Variants in THOP1 observed in about 807,000 individuals in gnomAD.
THOP1 encodes the protein thimet oligopeptidase 1, also known as thimet oligopeptidase.
A neutral mutation model predicts 71.8 loss-of-function variants in THOP1; 49 were observed. That is an observed-to-expected ratio of 0.68 (90% CI 0.54 to 0.87). THOP1 has a LOEUF of 0.87. Among genes scored for constraint, THOP1 ranks in the 40% least tolerant of loss-of-function variants. THOP1 has a pLI of 0.00. For missense variants in THOP1, 843 were observed against 975.6 expected (o/e 0.86, Z 1.81); for synonymous variants, 426 against 421.5 (o/e 1.01, Z -0.13).
intron 9 of THOP1, chr19:2,809,489 C>T (rs760044791): frequency 1.3e-5 from 2 of 152,244 alleles, no homozygotes; most frequent in African/African-American, 2.4e-5. Context: ...CTTCTGAGGA[C>T]CGTCTGCTCA....
Position 2,807,681 on chromosome 19 carries a change from C to T in THOP1, c.1126C>T (p.Leu376Phe). 6.2e-7 allele frequency: 1 copy of T among 1,605,702 alleles called. No individual in the cohort carries two copies. Among genetic ancestry groups the T allele is most frequent in the South Asian group, 1.1e-5 (1 of 90,896 alleles). The change falls in exon 8 of 13, where the codon CTC (leucine) becomes TTC (phenylalanine). Residue 376 changes from leucine to phenylalanine, a missense_variant. Transcript: ENST00000307741. Reference protein sequence around the residue: ...THGLLGIYQELLGLAFHHEEG... With the variant: ...THGLLGIYQEFLGLAFHHEEG... The stretch of plus-strand genomic sequence containing the variant: ...CGGGCTGCTGGGCATCTACCAGGAG[C>T]TCCTGGGGCTGGCCTTCCACCACGA...
At chr19:2,803,751 G>A (rs1470854360) in intron 5 of THOP1, among the ~76,000 whole-genome samples, 5 of 152,290 alleles carry the variant, frequency 3.3e-5, no homozygotes, top group Middle Eastern at 3.4e-3. Flanking sequence ...GGGTACAAAC[G>A]GGAAGGCGGG....
chr19:2,802,957 G>T (rs1056813282), intron 5 of THOP1, among the ~76,000 whole-genome samples: 1 of 152,254 alleles, frequency 6.6e-6, no homozygotes, highest in African/African-American at 2.4e-5. Context: ...TAATGCACCT[G>T]CTGTCCTCTG....
At chr19:2,800,172 TATTTA>T (rs1342697730) in intron 5 of THOP1, among the ~76,000 whole-genome samples, 1 of 152,224 alleles carries the variant, frequency 6.6e-6, no homozygotes, top group African/African-American at 2.4e-5. Context: ...TGCCTTTATT[TATTTA>T]ATTTAATTAA....
At chr19:2,812,186 C>G in intron 12 of THOP1, 1 of 1,496,882 alleles carries the variant, frequency 6.7e-7, no homozygotes, top group Non-Finnish European at 8.9e-7. Flanking sequence ...TCATTTGCTC[C>G]TCCAACCTCC....
chr19:2,793,347 C>T (rs1456837970), intron 2 of THOP1, among the ~76,000 whole-genome samples: 3 of 152,238 alleles, frequency 2.0e-5, no homozygotes, highest in East Asian at 3.9e-4. Context: ...CTGGCACCCA[C>T]GCGTCCCCTC....
intron 3 of THOP1, among the ~76,000 whole-genome samples, chr19:2,795,776 A>G (rs1915999239): frequency 6.6e-6 from 1 of 152,042 alleles, no homozygotes; most frequent in Non-Finnish European, 1.5e-5. Context: ...ACGTTTTGCA[A>G]AACTATGGTG....
chr19:2,810,634 G>T lies in THOP1; in HGVS notation c.1643-6G>T, dbSNP rs191147846. ...GAGGCCAGCTCTCTCCTTCCCTCCC[G>T]CCCAGGCCTCTTCAACCTGCGCCAG... On this transcript the variant is annotated splice_polypyrimidine_tract_variant and splice_region_variant and intron_variant, in intron 10 of 12. Transcript: ENST00000307741. 3 of 1,550,422 alleles carry T rather than the reference G, an allele frequency of 1.9e-6. No individual in the cohort carries two copies. Among genetic ancestry groups the T allele is most frequent in the South Asian group, 1.2e-5 (1 of 84,202 alleles).
Position 2,811,604 on chromosome 19 carries a change from A to G in THOP1, c.1778A>G (p.Asn593Ser), listed in dbSNP as rs369665263. Residue 593 changes from asparagine to serine, a missense_variant, in exon 12 of 13, where the codon AAC becomes AGC. Physicochemically the swap from Asn to Ser is conservative, Grantham distance 46 (BLOSUM62 1). Coordinates refer to ENST00000307741, the MANE Select transcript of THOP1 (RefSeq NM_003249.5). ...ILGVPATPGT[N>S]MPATFGHLAG... ...TGCCATGTGTCCGCCCCAGGAACCA[A>G]CATGCCTGCAACCTTCGGCCATCTG... 4 of 1,612,704 alleles carry G rather than the reference A, an allele frequency of 2.5e-6. No individual in the cohort carries two copies. In the African/African-American group the frequency reaches 5.3e-5, roughly 22 times the overall value.
At position 2,813,753 on chromosome 19, in the gene THOP1, G is replaced by C. The variant is rs1157886591; in HGVS notation, c.*477G>C. 8 of 148,370 alleles carry C rather than the reference G, an allele frequency of 5.4e-5. No individual in the cohort carries two copies. The highest frequency in any genetic ancestry group is 5.3e-4 in the Admixed American group (8 of 14,964). The allele number at this position is 148,370 out of a possible 1,614,324, so 9.2% of individuals were successfully genotyped here. A position where few individuals can be genotyped will look rare whatever the true frequency, so the allele number is the denominator to read the frequency against. Reference sequence around the variant, plus strand: ...GGGGCGGGGGGTGGGGGAGTAAAGGGCTGGGAACCAGTTCTGCCAGCCAGG... The same window carrying C: ...GGGGCGGGGGGTGGGGGAGTAAAGGCCTGGGAACCAGTTCTGCCAGCCAGG... On this transcript the variant is annotated 3_prime_UTR_variant, in exon 13 of 13. Transcript: ENST00000307741.
rs1464989921 is a variant in THOP1, at chr19:2,813,700, GC to G, written c.*427del. On this transcript the variant is annotated 3_prime_UTR_variant, in exon 13 of 13. Transcript: ENST00000307741. ...AGCCCTCGGGCTGTTGCCACACCAG[GC>G]CCTGGATTGGGGCTCAGGTCCTTGT... 1.4e-5 allele frequency: 2 copies of G among 138,214 alleles called. No homozygotes were observed. The highest frequency in any genetic ancestry group is 7.4e-5 in the Admixed American group (1 of 13,478). The allele number at this position is 138,214 out of a possible 1,614,324, so 8.6% of individuals were successfully genotyped here. A position where few individuals can be genotyped will look rare whatever the true frequency, so the allele number is the denominator to read the frequency against.
intron 11 of THOP1, among the ~76,000 whole-genome samples, 178 bp from the exon 12 acceptor site, chr19:2,811,420 C>G (rs1250262423): frequency 6.6e-6 from 1 of 152,196 alleles, no homozygotes; most frequent in African/African-American, 2.4e-5. Context: ...ACTTGTGGCC[C>G]TCGCTTTGTG....
intron 5 of THOP1, among the ~76,000 whole-genome samples, 157 bp downstream of exon 5, chr19:2,799,948 C>T (rs1916107391): frequency 6.6e-6 from 1 of 152,246 alleles, no homozygotes; most frequent in Non-Finnish European, 1.5e-5. Context: ...GGGCTGAGGA[C>T]TTTCCTCACC....
At position 2,790,578 on chromosome 19, in the gene THOP1, CGT is replaced by C; in HGVS notation, c.177_178del (p.Ser60LeufsTer23). 1 of 1,604,706 alleles carries C rather than the reference CGT, an allele frequency of 6.2e-7. No individual in the cohort carries two copies. Among genetic ancestry groups the C allele is most frequent in the Non-Finnish European group, 8.5e-7 (1 of 1,175,720 alleles). Reference sequence around the variant, plus strand: ...AGGTTGGCACCCAGGAGTTTGAGGACGTGTCCTACGAGAGCACGCTCAAGGCG... The same window carrying C: ...AGGTTGGCACCCAGGAGTTTGAGGACGTCCTACGAGAGCACGCTCAAGGCG... ...DQVGTQEFED[V>X]SYESTLKALA... On this transcript the variant is annotated frameshift_variant, in exon 2 of 13. Transcript: ENST00000307741. LOFTEE classifies it high-confidence loss of function.
intron 4 of THOP1, among the ~76,000 whole-genome samples, chr19:2,797,458 G>T (rs543865909): frequency 2.0e-5 from 3 of 152,212 alleles, no homozygotes; most frequent in Non-Finnish European, 4.4e-5. Context: ...CCGGCCACTT[G>T]GGCACTTGCT....
chr19:2,800,009 G>T (rs1343707080), intron 5 of THOP1, among the ~76,000 whole-genome samples: 2 of 152,212 alleles, frequency 1.3e-5, no homozygotes, highest in Non-Finnish European at 2.9e-5. Flanking sequence ...CCTCCTTGGG[G>T]AGGGCCATGG....
rs751256469 is a variant in THOP1, at chr19:2,801,694, C to T, written c.589+1903C>T. Among the ~76,000 whole-genome samples, 4 of 152,126 alleles carry T rather than the reference C, an allele frequency of 2.6e-5. No individual in the cohort carries two copies. Among genetic ancestry groups the T allele is most frequent in the East Asian group, 1.9e-4 (1 of 5,198 alleles). On this transcript the variant is annotated intron_variant, in intron 5 of 12. Transcript: ENST00000307741. The surrounding 1 kb of genome is among the most constrained non-coding windows in gnomAD (Gnocchi z 5.1). The stretch of plus-strand genomic sequence containing the variant: ...CTCTGGAGGCTGAGAAGTCCCAGGT[C>T]GAGGGGCCATATCTGGCCAGGGCCT...
chr19:2,803,052 T>C (rs1916194887), intron 5 of THOP1, among the ~76,000 whole-genome samples: 1 of 152,162 alleles, frequency 6.6e-6, no homozygotes, highest in Non-Finnish European at 1.5e-5. Context: ...TACCGCAGGC[T>C]CGGCCTCTGA....
chr19:2,807,885 G>T, intron 8 of THOP1, 77 bp downstream of exon 8: 1 of 1,400,018 alleles, frequency 7.1e-7, no homozygotes, highest in South Asian at 1.5e-5. Flanking sequence ...CGTCTGAGAT[G>T]GGAAGGAAGT....
Sources: gnomAD v4.1 joint callset for allele counts (sites outside exome capture counted in the v4.1 genomes callset) on GRCh38, gnomAD v4.1.1 for gene constraint, Gnocchi (gnomAD v3.1) non-coding constraint, MANE v1.5 for transcripts, NCBI Gene and HGNC (gene_info 2026-07-23, HGNC 2026-07-21) for gene names.